The following CSMD1 variants were observed in gnomAD, a reference collection of about 807,000 sequenced individuals.
The protein encoded by CSMD1 is CUB and Sushi multiple domains 1.
In CSMD1, 213 loss-of-function variants were observed where a neutral mutation model predicts 417.5. The observed-to-expected ratio is 0.51, with a 90% CI of 0.46 to 0.57. The LOEUF (loss-of-function observed/expected upper bound fraction) is 0.57, where lower values mean the gene tolerates loss of function less well. CSMD1 is among the 20% of genes least tolerant of loss of function. CSMD1 has a pLI of 0.00. For missense variants in CSMD1, 6,923 were observed against 4,529.7 expected, an observed-to-expected ratio of 1.53 and a Z score of -15.17; for synonymous variants, 2,862 against 1,736.8, an observed-to-expected ratio of 1.65 and a Z score of -16.11.
intron 5 of CSMD1, among the ~76,000 whole-genome samples, chr8:3,833,495 C>T (rs1177760994): frequency 6.6e-6 from 1 of 152,030 alleles, no homozygotes; most frequent in East Asian, 1.9e-4. Flanking sequence ...TATAACAAAG[C>T]CCTTTCCTCA....
At chr8:4,304,986 A>C (rs1026687019) in intron 3 of CSMD1, among the ~76,000 whole-genome samples, 11 of 152,166 alleles carry the variant, frequency 7.2e-5, no homozygotes, top group East Asian at 5.8e-4. Context: ...TGGTAATGCC[A>C]ATGCCTGTTC....
At chr8:4,598,960 C>G (rs1440771549) in intron 2 of CSMD1, among the ~76,000 whole-genome samples, 1 of 152,080 alleles carries the variant, frequency 6.6e-6, no homozygotes, top group Admixed American at 6.6e-5. Flanking sequence ...AAATGTTAAA[C>G]CAATTGTTAG....
chr8:4,791,075 A>T (rs1236269692), intron 1 of CSMD1, among the ~76,000 whole-genome samples: 1 of 152,036 alleles, frequency 6.6e-6, no homozygotes, highest in East Asian at 1.9e-4. Context: ...AGACGGTGAG[A>T]GAGACGGTGA....
chr8:3,408,833 G>C (rs1812510446), intron 13 of CSMD1, among the ~76,000 whole-genome samples: 1 of 151,906 alleles, frequency 6.6e-6, no homozygotes, highest in Admixed American at 6.6e-5. Context: ...AGAAACTGTT[G>C]GATTTATCTC....
chr8:4,053,981 G>A (rs919807694), intron 3 of CSMD1, among the ~76,000 whole-genome samples: 2 of 152,052 alleles, frequency 1.3e-5, no homozygotes, highest in Non-Finnish European at 2.9e-5. Context: ...AGTATATAAG[G>A]AAGTTAAGAA....
chr8:3,464,689 A>T (rs1816701599), intron 12 of CSMD1, among the ~76,000 whole-genome samples: 1 of 151,618 alleles, frequency 6.6e-6, no homozygotes, highest in South Asian at 2.1e-4. Context: ...TTTGTTTTAA[A>T]AATATATACT....
At chr8:4,290,216 T>A (rs1302197466) in intron 3 of CSMD1, among the ~76,000 whole-genome samples, 2 of 151,866 alleles carry the variant, frequency 1.3e-5, no homozygotes, top group Non-Finnish European at 2.9e-5. Flanking sequence ...CACACTTGTA[T>A]GTGTGTCTGC....
Position 3,601,486 on chromosome 8 carries a change from C to T in CSMD1, c.1097+15224G>A, listed in dbSNP as rs144908566. Among the ~76,000 whole-genome samples the T allele has an allele frequency of 9.5e-3, 1,451 of 152,296 alleles. 12 individuals are homozygous for T. Among genetic ancestry groups the T allele is most frequent in the South Asian group, 0.019 (91 of 4,824 alleles). Reference sequence around the variant, plus strand: ...CTAATCTCATATCACGGATGACATACACCAGGCAGGCCAATGGTTACCAAC... The same window carrying T: ...CTAATCTCATATCACGGATGACATATACCAGGCAGGCCAATGGTTACCAAC... On this transcript the variant is annotated intron_variant, in intron 8 of 69. Coordinates refer to ENST00000635120, the MANE Select transcript of CSMD1 (RefSeq NM_033225.6).
At chr8:3,874,320 T>C (rs1342891335) in intron 5 of CSMD1, among the ~76,000 whole-genome samples, 1 of 152,212 alleles carries the variant, frequency 6.6e-6, no homozygotes, top group Non-Finnish European at 1.5e-5. Flanking sequence ...ACAGGCTGCG[T>C]AACTCTTATC....
chr8:4,788,007 G>A (rs1797500063), intron 1 of CSMD1: 1 of 1,590,560 alleles, frequency 6.3e-7, no homozygotes, highest in Non-Finnish European at 8.6e-7. Flanking sequence ...GTGTTATCGG[G>A]ATCTCAAAGA....
chr8:3,507,158 T>C (rs1220811541), intron 10 of CSMD1, among the ~76,000 whole-genome samples: 1 of 152,160 alleles, frequency 6.6e-6, no homozygotes, highest in African/African-American at 2.4e-5. Flanking sequence ...AAAGTGGTGA[T>C]TTAAGTGGTT....
At chr8:3,257,756 G>C (rs1019198098) in intron 26 of CSMD1, among the ~76,000 whole-genome samples, 11 of 152,124 alleles carry the variant, frequency 7.2e-5, no homozygotes, top group African/African-American at 2.2e-4. Flanking sequence ...GGCTGGAGCT[G>C]AGAAGGGGGT....
intron 26 of CSMD1, among the ~76,000 whole-genome samples, chr8:3,241,300 A>C (rs1248850144): frequency 6.6e-6 from 1 of 151,046 alleles, no homozygotes. Context: ...CTGGCCGTCA[A>C]TACCCACAAC....
At chr8:3,562,952 A>G (rs1374806864) in intron 10 of CSMD1, among the ~76,000 whole-genome samples, 1 of 152,112 alleles carries the variant, frequency 6.6e-6, no homozygotes, top group Non-Finnish European at 1.5e-5. Flanking sequence ...CCATTTAGTA[A>G]TTATTTTTAA....
chr8:4,583,603 C>T (rs1799556322), intron 2 of CSMD1, among the ~76,000 whole-genome samples: 2 of 152,088 alleles, frequency 1.3e-5, no homozygotes, highest in African/African-American at 4.8e-5. Flanking sequence ...CCAATGGACA[C>T]TGTATCTAGC....
chr8:3,660,694 T>A (rs1053926969), intron 7 of CSMD1, among the ~76,000 whole-genome samples: 1 of 150,148 alleles, frequency 6.7e-6, no homozygotes, highest in Non-Finnish European at 1.5e-5. Context: ...CTAATTTTTA[T>A]ATTTTTAGTA....
At chr8:4,340,494 A>G (rs990379992) in intron 3 of CSMD1, among the ~76,000 whole-genome samples, 51 of 152,098 alleles carry the variant, frequency 3.4e-4, no homozygotes, top group African/African-American at 1.2e-3. Context: ...CTCATGGTCG[A>G]GTCCCCAATG....
At chr8:3,590,426 C>T (rs1016377400) in intron 8 of CSMD1, among the ~76,000 whole-genome samples, 1 of 152,164 alleles carries the variant, frequency 6.6e-6, no homozygotes, top group Non-Finnish European at 1.5e-5. Flanking sequence ...TCTTACTCTT[C>T]TCAGATTTCC....
At chr8:3,703,484 G>A (rs1271711621) in intron 7 of CSMD1, among the ~76,000 whole-genome samples, 1 of 143,962 alleles carries the variant, frequency 6.9e-6, no homozygotes, top group East Asian at 2.0e-4. Context: ...TCATTCATCA[G>A]TAGATACTGG....
Sources: allele counts gnomAD v4.1 joint callset (sites outside exome capture counted in the v4.1 genomes callset), GRCh38; gene constraint gnomAD v4.1.1; transcripts MANE v1.5; gene names NCBI Gene and HGNC (gene_info 2026-07-23, HGNC 2026-07-21).